NEBL: variants seen among roughly 807,000 people sequenced by gnomAD.
NEBL encodes nebulette, also known as LIM and SH3 protein 2.
In NEBL, 122 loss-of-function variants were observed where a neutral mutation model predicts 140.2. That is an observed-to-expected ratio of 0.87 (90% CI 0.75 to 1.01). The LOEUF is 1.01. Ranked by LOEUF, NEBL falls within the 50% of genes least tolerant of loss-of-function variation. NEBL has a pLI of 0.00. For synonymous variants in NEBL, 436 were observed against 398.9 expected (o/e 1.09, Z -1.11); for missense variants, 1,365 against 1,231.3 (o/e 1.11, Z -1.62).
chr10:20,883,285 T>C (rs1428541994), intron 4 of NEBL, among the ~76,000 whole-genome samples: 1 of 152,236 alleles, frequency 6.6e-6, no homozygotes, highest in African/African-American at 2.4e-5. Context: ...GCCATGTTCC[T>C]ACCTCCAATC....
chr10:21,232,655 G>A (rs1349720383), intron 3 of NEBL, among the ~76,000 whole-genome samples: 2 of 152,228 alleles, frequency 1.3e-5, no homozygotes, highest in Non-Finnish European at 2.9e-5. Flanking sequence ...ATCTAGCACT[G>A]CTGCAGATCT....
upstream of NEBL, among the ~76,000 whole-genome samples, chr10:20,898,062 G>T (rs1847652014): frequency 6.6e-6 from 1 of 152,026 alleles, no homozygotes; most frequent in African/African-American, 2.4e-5. Flanking sequence ...AGTCATTGGT[G>T]ATTTGCATTA....
intron 2 of NEBL, among the ~76,000 whole-genome samples, chr10:21,050,664 T>C (rs1330422240): frequency 6.6e-6 from 1 of 152,146 alleles, no homozygotes; most frequent in African/African-American, 2.4e-5. Context: ...CTTTTGAAGA[T>C]GGTGGCATCT....
intron 3 of NEBL, among the ~76,000 whole-genome samples, chr10:21,008,810 T>G (rs1256421628): frequency 6.6e-6 from 1 of 152,164 alleles, no homozygotes; most frequent in Admixed American, 6.5e-5. Context: ...TCTGCAGTTT[T>G]CAGACATCCA....
chr10:21,016,282 G>A (rs1838552133), intron 3 of NEBL, among the ~76,000 whole-genome samples: 1 of 152,194 alleles, frequency 6.6e-6, no homozygotes, highest in Admixed American at 6.5e-5. Context: ...TGAACCACTG[G>A]CTTTGAAGAG....
At chr10:20,821,810 G>A (rs750728323) in intron 19 of NEBL, among the ~76,000 whole-genome samples, 7 of 151,966 alleles carry the variant, frequency 4.6e-5, no homozygotes, top group Non-Finnish European at 7.4e-5. Context: ...TCCAGCATAC[G>A]CTCCTGCCAT....
intron 2 of NEBL, among the ~76,000 whole-genome samples, chr10:21,062,878 A>G (rs1252976891): frequency 6.6e-6 from 1 of 152,086 alleles, no homozygotes; most frequent in African/African-American, 2.4e-5. Context: ...TGTTTTAAGC[A>G]TTTGAGTCTA....
At chr10:21,070,827 A>C (rs1383849638) in intron 2 of NEBL, among the ~76,000 whole-genome samples, 1 of 152,210 alleles carries the variant, frequency 6.6e-6, no homozygotes, top group Non-Finnish European at 1.5e-5. Flanking sequence ...ACTGGCATAC[A>C]TGTCTAAGAA....
At chr10:21,247,399 GACAAA>G (rs1332213838) in intron 3 of NEBL, among the ~76,000 whole-genome samples, 1 of 152,160 alleles carries the variant, frequency 6.6e-6, no homozygotes, top group Admixed American at 6.5e-5. Context: ...TTCGCTAGAA[GACAAA>G]ACTATAATGA....
intron 2 of NEBL, among the ~76,000 whole-genome samples, chr10:21,157,797 G>T (rs571921297): frequency 6.6e-6 from 1 of 152,246 alleles, no homozygotes; most frequent in Non-Finnish European, 1.5e-5. Context: ...TGGAGATAGG[G>T]TCTTTGCTGA....
rs1204544920 is a variant in NEBL at position 21,206,358 on chromosome 10, A to G, written n.349-33881T>C. The stretch of plus-strand genomic sequence containing the variant: ...TGATAAATAAGTTACTCAACATCTT[A>G]CAGAACTTGGAATTTAACATGTGCT... On this transcript the variant is annotated intron_variant and non_coding_transcript_variant, in intron 3 of 8. Transcript: ENST00000675702. Among the ~76,000 whole-genome samples, 3 of 152,350 alleles carry G rather than the reference A, an allele frequency of 2.0e-5. No individual in the cohort carries two copies. The East Asian group carries it at 5.8e-4, about 29-fold the overall frequency.
chr10:21,161,672 A>G (rs540040107), intron 2 of NEBL, among the ~76,000 whole-genome samples: 3 of 152,004 alleles, frequency 2.0e-5, no homozygotes, highest in Admixed American at 6.5e-5. Flanking sequence ...ATCTTCCCCA[A>G]CTTCTATTGA....
At chr10:20,917,718 A>C (rs1312057562) in intron 4 of NEBL, among the ~76,000 whole-genome samples, 1 of 152,220 alleles carries the variant, frequency 6.6e-6, no homozygotes, top group Non-Finnish European at 1.5e-5. Context: ...CTTAGCAGCA[A>C]CCATGTCTAT....
At position 20,831,471 on chromosome 10, in the gene NEBL, A is replaced by G. The variant is rs1234803843; in HGVS notation, c.1560+2T>C. 1.3e-6 allele frequency: 2 copies of G among 1,598,142 alleles called. No homozygotes were observed. Among genetic ancestry groups the G allele is most frequent in the African/African-American group, 2.7e-5 (2 of 74,036 alleles). On this transcript the variant is annotated splice_donor_variant, in intron 15 of 27. Transcript: ENST00000377122. LOFTEE classifies it high-confidence loss of function. The stretch of plus-strand genomic sequence containing the variant: ...AAACTTTGTATCTTGCTGCTGTCTT[A>G]CCTGGCTGGCCATCTCGGATGCTTT...
Position 20,859,716 on chromosome 10 carries a change from G to C in NEBL, c.795C>G (p.Ser265Arg), listed in dbSNP as rs368513995. The change falls in exon 8 of 28, where the codon AGC (serine) becomes AGG (arginine). Residue 265 changes from serine (S) to arginine (R), a missense_variant. Physicochemically the swap from Ser to Arg is moderately radical, Grantham distance 110 (BLOSUM62 -1). This residue lies in a region of NEBL where 1,323 missense variants were observed against 1,154.8 expected (regional missense o/e 1.15). Transcript: ENST00000377122. The part of the protein sequence containing the change: ...RQNQLAATLA[S>R]NVKYKKDIQN... The stretch of plus-strand genomic sequence containing the variant: ...TTTTCTATGAATTACAACTTACATT[G>C]CTCGCCAGTGTAGCAGCAAGCTGAT... 3.5e-5 allele frequency: 55 copies of C among 1,565,786 alleles called. No homozygotes were observed. Among genetic ancestry groups the C allele is most frequent in the Non-Finnish European group, 4.7e-5 (53 of 1,137,780 alleles).
intron 16 of NEBL, among the ~76,000 whole-genome samples, chr10:20,830,537 G>A (rs1840300847): frequency 6.6e-6 from 1 of 152,048 alleles, no homozygotes; most frequent in African/African-American, 2.4e-5. Flanking sequence ...ATTTTACCAA[G>A]AAAACCTCAC....
intron 2 of NEBL, among the ~76,000 whole-genome samples, chr10:21,116,625 A>T (rs1465531024): frequency 6.6e-6 from 1 of 151,874 alleles, no homozygotes; most frequent in African/African-American, 2.4e-5. Context: ...TTTTCTCCTC[A>T]TTATGGGTCA....
intron 5 of NEBL, among the ~76,000 whole-genome samples, chr10:20,878,012 CCAGA>C (rs1357030905): frequency 2.6e-5 from 4 of 152,152 alleles, no homozygotes; most frequent in Non-Finnish European, 5.9e-5. Flanking sequence ...AGGTACTACC[CCAGA>C]CAATGATGCC....
intron 3 of NEBL, among the ~76,000 whole-genome samples, chr10:20,984,020 C>T (rs1457509017): frequency 6.6e-6 from 1 of 151,686 alleles, no homozygotes; most frequent in Non-Finnish European, 1.5e-5. Context: ...AAACAGCTCA[C>T]CCAATAATTA....
Sources: gnomAD v4.1 joint callset for allele counts (sites outside exome capture counted in the v4.1 genomes callset) on GRCh38, gnomAD v4.1.1 for gene constraint, gnomAD v4.1.1 regional missense constraint, MANE v1.5 for transcripts, NCBI Gene and HGNC (gene_info 2026-07-23, HGNC 2026-07-21) for gene names.